Variants in SLAIN2 observed in about 807,000 individuals in gnomAD.
SLAIN2 encodes the protein SLAIN family member 2.
Under a neutral mutation model 56.6 loss-of-function variants are expected in SLAIN2, and 31 were observed. The observed-to-expected ratio is 0.55, with a 90% confidence interval of 0.41 to 0.74. The LOEUF is 0.74. SLAIN2 is among the 30% of genes least tolerant of loss of function. The pLI, the probability that SLAIN2 is intolerant of heterozygous loss-of-function variation, is 0.00. For synonymous variants in SLAIN2, 317 were observed against 284.9 expected (o/e 1.11, Z -1.13); for missense variants, 777 against 754.2 (o/e 1.03, Z -0.35).
chr4:48,397,767 G>C (rs1319312881), intron 6 of SLAIN2, among the ~76,000 whole-genome samples: 1 of 152,148 alleles, frequency 6.6e-6, no homozygotes, highest in African/African-American at 2.4e-5. Context: ...TTGGTTTTCT[G>C]TTCCTGCATT....
At chr4:48,420,067 A>G (rs1239281786) in intron 6 of SLAIN2, 58 bp from the exon 7 acceptor site, 20 of 1,536,220 alleles carry the variant, frequency 1.3e-5, no homozygotes, top group East Asian at 2.3e-5. Flanking sequence ...ATTTAAAGCA[A>G]TGGTTTCATA....
At chr4:48,346,835 C>CT (rs71191209) in intron 1 of SLAIN2, among the ~76,000 whole-genome samples, 4,130 of 127,950 alleles carry the variant, frequency 0.032, 211 homozygotes, top group African/African-American at 0.1. Flanking sequence ...TTCTATTTCC[C>CT]TTTTTTTTTT....
chr4:48,382,606 A>C lies in SLAIN2; in HGVS notation c.901A>C (p.Ser301Arg). 1 of 1,604,268 alleles carries C rather than the reference A, an allele frequency of 6.2e-7. No homozygotes were observed. The highest frequency in any genetic ancestry group is 8.5e-7 in the Non-Finnish European group (1 of 1,171,860). The change falls in exon 5 of 8, where the codon AGT becomes CGT. Residue 301 changes from serine to arginine, a missense_variant. By Grantham distance (110) the Ser-to-Arg change is moderately radical. Transcript: ENST00000264313. ...ATATGCAGCCACCACGTCTCGGCGC[A>C]GTTCTGGTTCATCTTGCAATTCTAC... ...QEYAATTSRR[S>R]SGSSCNSTRR...
intron 1 of SLAIN2, among the ~76,000 whole-genome samples, chr4:48,364,236 T>G (rs1715444434): frequency 3.0e-5 from 2 of 65,928 alleles, no homozygotes; most frequent in Non-Finnish European, 6.7e-5. Context: ...ACATCCCAGA[T>G]GGGGCGGCGG....
intron 3 of SLAIN2, 34 bp downstream of exon 3, chr4:48,378,094 TG>T (rs760425559): frequency 1.2e-6 from 2 of 1,600,032 alleles, no homozygotes; most frequent in South Asian, 2.2e-5. Flanking sequence ...TATTAAGGAA[TG>T]TTTTTTAGCT....
At chr4:48,351,290 G>A (rs1050114386) in intron 1 of SLAIN2, among the ~76,000 whole-genome samples, 6 of 152,104 alleles carry the variant, frequency 3.9e-5, no homozygotes, top group Admixed American at 1.3e-4. Context: ...ATACCTAATC[G>A]GTACTATATT....
At chr4:48,348,829 A>C (rs1176887244) in intron 1 of SLAIN2, among the ~76,000 whole-genome samples, 4 of 152,174 alleles carry the variant, frequency 2.6e-5, no homozygotes, top group Non-Finnish European at 5.9e-5. Context: ...AGTAATGGCC[A>C]GTTGTTTTCC....
At chr4:48,344,982 G>A (rs1323319083) in intron 1 of SLAIN2, among the ~76,000 whole-genome samples, 5 of 152,140 alleles carry the variant, frequency 3.3e-5, no homozygotes, top group African/African-American at 9.7e-5. Flanking sequence ...TAACTTCGTT[G>A]TGCATCACAG....
Position 48,379,699 on chromosome 4 carries a change from A to G in SLAIN2, c.713A>G (p.Lys238Arg). ...LILPGNSGNL[K>R]SSDRNPPLSP... ...TTTTTTTTTTTTTAAGGTAACTTGA[A>G]AAGCTCAGACAGAAATCCTCCACTC... Residue 238 changes from lysine to arginine, a missense_variant, in exon 4 of 8, where the codon AAA (lysine) becomes AGA (arginine). By Grantham distance (26) the Lys-to-Arg change is conservative. Coordinates refer to ENST00000264313, the MANE Select transcript of SLAIN2 (RefSeq NM_020846.2). 1.4e-6 allele frequency: 2 copies of G among 1,436,238 alleles called. No individual in the cohort carries two copies. Among genetic ancestry groups the G allele is most frequent in the Non-Finnish European group, 9.2e-7 (1 of 1,091,066 alleles). The allele number at this position is 1,436,238 out of a possible 1,614,324, so 89.0% of individuals were successfully genotyped here. A position where few individuals can be genotyped will look rare whatever the true frequency, so the allele number is the denominator to read the frequency against.
chr4:48,390,691 A>AT (rs1716218491), intron 6 of SLAIN2, among the ~76,000 whole-genome samples: 1 of 152,150 alleles, frequency 6.6e-6, no homozygotes, highest in Admixed American at 6.5e-5. Context: ...TACATTGATC[A>AT]TTTTTTTAAA....
At chr4:48,410,819 TACAGACCCTGAGAA>T (rs1197321778) in intron 6 of SLAIN2, among the ~76,000 whole-genome samples, 1 of 152,214 alleles carries the variant, frequency 6.6e-6, no homozygotes, top group African/African-American at 2.4e-5. Flanking sequence ...ACATCAGCGT[TACAGACCCTGAGAA>T]ATACCCTCAC....
intron 1 of SLAIN2, 125 bp downstream of exon 1, chr4:48,342,253 T>A: frequency 8.3e-7 from 1 of 1,208,522 alleles, no homozygotes; most frequent in Non-Finnish European, 1.1e-6. Flanking sequence ...TGTGGCGACT[T>A]GTGGTTTTCT....
At chr4:48,408,371 G>A (rs115408071) in intron 6 of SLAIN2, among the ~76,000 whole-genome samples, 450 of 151,668 alleles carry the variant, frequency 3.0e-3, no homozygotes, top group Non-Finnish European at 4.6e-3. Context: ...CGACATTTCA[G>A]TCAACAGTGG....
At position 48,341,987 on chromosome 4, in the gene SLAIN2, C is replaced by T. The variant is rs1714720639; in HGVS notation, c.248C>T (p.Pro83Leu). 4 of 1,428,010 alleles carry T rather than the reference C, an allele frequency of 2.8e-6. No homozygotes were observed. The highest frequency in any genetic ancestry group is 1.5e-5 in the African/African-American group (1 of 65,908). 88.5% of individuals were successfully genotyped at this position (1,428,010 alleles called of 1,614,324 possible). The part of the protein sequence containing the change: ...AKSGGGPGSG[P>L]RRTSSEELRD... Reference sequence around the variant, plus strand: ...TCGGGCGGCGGGCCCGGGTCGGGCCCGAGGCGGACGAGTAGCGAAGAGCTG... The same window carrying T: ...TCGGGCGGCGGGCCCGGGTCGGGCCTGAGGCGGACGAGTAGCGAAGAGCTG... The change falls in exon 1 of 8, where the codon CCG becomes CTG. Residue 83 changes from proline to leucine, a missense_variant. Coordinates refer to ENST00000264313, the MANE Select transcript of SLAIN2 (RefSeq NM_020846.2).
chr4:48,371,992 G>GCACACACA (rs1400532265), intron 2 of SLAIN2, among the ~76,000 whole-genome samples: 1 of 142,696 alleles, frequency 7.0e-6, no homozygotes, highest in African/African-American at 2.6e-5. Flanking sequence ...ACACACACGC[G>GCACACACA]CGCACACACA....
intron 2 of SLAIN2, among the ~76,000 whole-genome samples, chr4:48,375,516 T>G (rs1195619168): frequency 2.0e-5 from 3 of 152,164 alleles, no homozygotes; most frequent in Non-Finnish European, 4.4e-5. Context: ...TTTTTTCTAG[T>G]CACCGTGTAC....
At chr4:48,378,085 A>T (rs767512217) in intron 3 of SLAIN2, 25 bp downstream of exon 3, 9 of 1,604,396 alleles carry the variant, frequency 5.6e-6, no homozygotes, top group African/African-American at 2.7e-5. Flanking sequence ...ATATGGAGCT[A>T]TTAAGGAATG....
At chr4:48,414,054 A>G (rs922897229) in intron 6 of SLAIN2, among the ~76,000 whole-genome samples, 1 of 152,182 alleles carries the variant, frequency 6.6e-6, no homozygotes, top group African/African-American at 2.4e-5. Context: ...TCTATTACCC[A>G]TCATCCTAAT....
At chr4:48,377,008 TTGAAAAGG>T (rs1715835351) in intron 2 of SLAIN2, among the ~76,000 whole-genome samples, 1 of 151,028 alleles carries the variant, frequency 6.6e-6, no homozygotes, top group African/African-American at 2.4e-5. Flanking sequence ...AATCCAAACT[TTGAAAAGG>T]CGATTTAAAC....
Sources: gnomAD v4.1 joint callset for allele counts (sites outside exome capture counted in the v4.1 genomes callset) on GRCh38, gnomAD v4.1.1 for gene constraint, MANE v1.5 for transcripts, NCBI Gene and HGNC (gene_info 2026-07-23, HGNC 2026-07-21) for gene names.